The following LRP1B variants were observed in gnomAD, a reference collection of about 807,000 sequenced individuals.
LRP1B encodes LDL receptor related protein 1B.
LRP1B carries 217 observed loss-of-function variants against 556.6 expected under a neutral mutation model. The ratio of observed to expected loss-of-function variants is 0.39; its 90% CI spans 0.35 to 0.44. The LOEUF (loss-of-function observed/expected upper bound fraction) is 0.44. LRP1B is among the 20% of genes least tolerant of loss of function. LRP1B has a pLI of 1.00. For missense variants in LRP1B, 5,053 were observed against 5,620.8 expected (o/e 0.90, Z 3.23); for synonymous variants, 2,047 against 1,865.8 (o/e 1.10, Z -2.50).
chr2:140,359,015 TTTTC>T (rs754298198), intron 72 of LRP1B, 69 bp from the exon 73 acceptor site: 1 of 1,452,802 alleles, frequency 6.9e-7, no homozygotes, highest in African/African-American at 1.4e-5. Flanking sequence ...CATTCTTCCT[TTTTC>T]TTTTATTCTT....
chr2:142,130,219 T>C (rs140527074), intron 1 of LRP1B, among the ~76,000 whole-genome samples: 32 of 152,270 alleles, frequency 2.1e-4, no homozygotes, highest in African/African-American at 7.5e-4. Flanking sequence ...GGTAAGGAAG[T>C]TAACCTGGGA....
At chr2:141,986,448 ACAAGAAC>A (rs1413984074) in intron 1 of LRP1B, among the ~76,000 whole-genome samples, 1 of 151,952 alleles carries the variant, frequency 6.6e-6, no homozygotes, top group African/African-American at 2.4e-5. Flanking sequence ...AGTATCAGAG[ACAAGAAC>A]AGTTAGCCAG....
intron 1 of LRP1B, among the ~76,000 whole-genome samples, chr2:142,101,714 A>G (rs1425635340): frequency 6.6e-6 from 1 of 152,030 alleles, no homozygotes; most frequent in Non-Finnish European, 1.5e-5. Context: ...CAAAACCAAA[A>G]TGACAAGTCT....
chr2:141,040,493 G>A (rs949472510), intron 11 of LRP1B, among the ~76,000 whole-genome samples: 3 of 151,942 alleles, frequency 2.0e-5, no homozygotes, highest in Non-Finnish European at 2.9e-5. Context: ...CCTACTATAA[G>A]GTCAGTGTCA....
chr2:141,304,115 G>A (rs1348970026), intron 3 of LRP1B, among the ~76,000 whole-genome samples: 1 of 151,956 alleles, frequency 6.6e-6, no homozygotes, highest in Admixed American at 6.6e-5. Flanking sequence ...GGGATTATTT[G>A]TTTCTTCACT....
chr2:142,082,386 T>C (rs974867411), intron 1 of LRP1B, among the ~76,000 whole-genome samples: 1 of 152,206 alleles, frequency 6.6e-6, no homozygotes, highest in Non-Finnish European at 1.5e-5. Flanking sequence ...CCAAATATTA[T>C]ACCAAGTATT....
At chr2:140,667,294 T>C (rs923035629) in intron 41 of LRP1B, among the ~76,000 whole-genome samples, 3 of 152,358 alleles carry the variant, frequency 2.0e-5, no homozygotes, top group East Asian at 1.9e-4. Flanking sequence ...TTTTTAGCTA[T>C]GATAACCTTT....
In LRP1B at chr2:140,335,521, T is replaced by C. The variant is rs925923819; in HGVS notation, c.12116+94A>G. 5.2e-6 allele frequency: 4 copies of C among 769,740 alleles called. No individual in the cohort carries two copies. The African/African-American group carries it at 6.9e-5, about 13-fold the overall frequency. The allele number at this position is 769,740 out of a possible 1,614,324, so 47.7% of individuals were successfully genotyped here. A position where few individuals can be genotyped will look rare whatever the true frequency, so the allele number is the denominator to read the frequency against. On this transcript the variant is annotated intron_variant, in intron 78 of 90. Coordinates refer to ENST00000389484, the MANE Select transcript of LRP1B (RefSeq NM_018557.3). ...TAAAAGCATGTGACACTATTACACATTGAACACTCATTACAGAGACAAAAT... is the reference window on the plus strand; with the variant it reads ...TAAAAGCATGTGACACTATTACACACTGAACACTCATTACAGAGACAAAAT...
At chr2:141,253,697 T>A (rs1573715912) in intron 4 of LRP1B, among the ~76,000 whole-genome samples, 1 of 152,198 alleles carries the variant, frequency 6.6e-6, no homozygotes, top group East Asian at 1.9e-4. Context: ...TTTGAAGTAA[T>A]CAGCAAAGCA....
intron 71 of LRP1B, 103 bp from the exon 72 acceptor site, chr2:140,364,886 G>A (rs2105152639): frequency 1.1e-6 from 1 of 923,006 alleles, no homozygotes; most frequent in Non-Finnish European, 1.6e-6. Flanking sequence ...CTAGTTGACT[G>A]CTTCCATATA....
chr2:141,117,519 CAG>C (rs1335344467), intron 7 of LRP1B, among the ~76,000 whole-genome samples: 1 of 151,920 alleles, frequency 6.6e-6, no homozygotes, highest in Non-Finnish European at 1.5e-5. Context: ...AAAAAAATCA[CAG>C]ATAGACCCTA....
intron 2 of LRP1B, among the ~76,000 whole-genome samples, chr2:141,513,164 C>T (rs930744835): frequency 4.6e-5 from 7 of 152,008 alleles, no homozygotes; most frequent in African/African-American, 1.7e-4. Flanking sequence ...CTCTAGATAG[C>T]TAAGGTTCAG....
chr2:141,671,874 C>T (rs1443674880), intron 2 of LRP1B, among the ~76,000 whole-genome samples: 1 of 150,670 alleles, frequency 6.6e-6, no homozygotes, highest in African/African-American at 2.4e-5. Context: ...AGTAAATACT[C>T]ACTGAAGATC....
chr2:141,176,055 C>T (rs1680720918), intron 7 of LRP1B, among the ~76,000 whole-genome samples: 1 of 152,038 alleles, frequency 6.6e-6, no homozygotes, highest in Non-Finnish European at 1.5e-5. Context: ...TGGCATTTAC[C>T]CAATGCCTGT....
rs551077123 is a variant in LRP1B at position 141,043,923 on chromosome 2, A to G, written c.1789+5063T>C. The stretch of plus-strand genomic sequence containing the variant: ...TCACAGAATTGGAAAAAACTACTTT[A>G]AAGTTCATATGGAACCAAAAAAGAG... On this transcript the variant is annotated intron_variant, in intron 11 of 90. Coordinates refer to ENST00000389484, the MANE Select transcript of LRP1B (RefSeq NM_018557.3). Among the ~76,000 whole-genome samples the G allele has an allele frequency of 1.6e-3, 243 of 152,108 alleles. 4 individuals are homozygous for G. Among genetic ancestry groups the G allele is most frequent in the Non-Finnish European group, 2.3e-3 (158 of 67,924 alleles).
intron 25 of LRP1B, among the ~76,000 whole-genome samples, chr2:140,877,046 C>T (rs957067565): frequency 2.0e-5 from 3 of 151,956 alleles, no homozygotes; most frequent in African/African-American, 7.3e-5. Context: ...CAAAATAATG[C>T]TTTCATTTTT....
chr2:140,657,383 A>T (rs1288802548), intron 41 of LRP1B, among the ~76,000 whole-genome samples: 1 of 151,828 alleles, frequency 6.6e-6, no homozygotes, highest in East Asian at 1.9e-4. Context: ...AGCACTTCGT[A>T]TCCTAAGACC....
At chr2:141,851,616 C>T (rs1410532512) in intron 1 of LRP1B, among the ~76,000 whole-genome samples, 3 of 151,554 alleles carry the variant, frequency 2.0e-5, no homozygotes, top group African/African-American at 7.3e-5. Context: ...GTAATGAAAA[C>T]ATCAGATGGG....
chr2:140,764,739 C>T (rs1689042778), intron 35 of LRP1B, among the ~76,000 whole-genome samples: 1 of 152,114 alleles, frequency 6.6e-6, no homozygotes, highest in Admixed American at 6.6e-5. Context: ...CAACATCTCA[C>T]ACCAGAGCGA....
Sources: gnomAD v4.1 joint callset for allele counts (sites outside exome capture counted in the v4.1 genomes callset) on GRCh38, gnomAD v4.1.1 for gene constraint, MANE v1.5 for transcripts, NCBI Gene and HGNC (gene_info 2026-07-23, HGNC 2026-07-21) for gene names.